The following MAD1L1 variants were observed in gnomAD, a reference collection of about 807,000 sequenced individuals.
MAD1L1 encodes mitotic spindle assembly checkpoint protein MAD1.
MAD1L1 carries 95 observed loss-of-function variants against 96.9 expected under a neutral mutation model. The observed-to-expected ratio is 0.98, with a 90% CI of 0.83 to 1.16. The LOEUF (loss-of-function observed/expected upper bound fraction) is 1.16. Among genes scored for constraint, MAD1L1 ranks in the 50% most tolerant of loss-of-function variants. MAD1L1 has a pLI of 0.00. For missense variants in MAD1L1, 1,007 were observed against 954.4 expected (o/e 1.06, Z -0.73); for synonymous variants, 473 against 396.6 (o/e 1.19, Z -2.29).
At chr7:1,896,869 T>C (rs1164526734) in intron 18 of MAD1L1, among the ~76,000 whole-genome samples, 1 of 152,282 alleles carries the variant, frequency 6.6e-6, no homozygotes, top group African/African-American at 2.4e-5. Context: ...CCTTTATTAA[T>C]ACCTAATCAT....
At chr7:2,223,347 T>C (rs912497519) in intron 4 of MAD1L1, 1 of 152,254 alleles carries the variant, frequency 6.6e-6, no homozygotes, top group Non-Finnish European at 1.5e-5. Context: ...TCTCACTGGT[T>C]GGGATGGGAC....
intron 15 of MAD1L1, among the ~76,000 whole-genome samples, chr7:1,977,636 G>A (rs1780707173): frequency 6.6e-6 from 1 of 152,260 alleles, no homozygotes. Context: ...TGATGTAAAA[G>A]ATATCAATGA....
At chr7:2,155,004 G>A (rs779335995) in intron 10 of MAD1L1, among the ~76,000 whole-genome samples, 9 of 152,208 alleles carry the variant, frequency 5.9e-5, no homozygotes, top group Non-Finnish European at 1.2e-4. Flanking sequence ...CTCTGGGCAC[G>A]CGGAGGAGTC....
intron 13 of MAD1L1, among the ~76,000 whole-genome samples, chr7:2,010,751 C>T (rs1050694613): frequency 1.3e-5 from 2 of 152,206 alleles, no homozygotes; most frequent in Non-Finnish European, 2.9e-5. Flanking sequence ...TGCATCCTCC[C>T]GCTGGCGACT....
intron 11 of MAD1L1, among the ~76,000 whole-genome samples, chr7:2,074,026 C>T (rs1035603254): frequency 2.6e-5 from 4 of 152,126 alleles, no homozygotes; most frequent in African/African-American, 4.8e-5. Flanking sequence ...GACAAGGAGA[C>T]GACACTGTGG....
rs776490151 is a variant in MAD1L1, at chr7:2,002,085, G to A, written c.1396C>T (p.Gln466Ter). Residue 466 changes from glutamine (Q) to a stop codon, truncating the protein, a stop_gained, in exon 14 of 19, where the codon CAG (glutamine) becomes TAG (stop). Transcript: ENST00000265854. LOFTEE classifies it high-confidence loss of function. ...CTCACCATGTCTGCTCTTTGTTTCT[G>A]GCCTCCCAGCTCCTCCAGGGCCTGC... ...LSQALEELGG[Q>*]KQRADMLEME... 5.6e-5 allele frequency: 91 copies of A among 1,613,200 alleles called. No homozygotes were observed. Among genetic ancestry groups the A allele is most frequent in the African/African-American group, 9.3e-5 (7 of 74,928 alleles).
At chr7:2,190,206 G>C (rs528591923) in intron 10 of MAD1L1, among the ~76,000 whole-genome samples, 2 of 152,312 alleles carry the variant, frequency 1.3e-5, no homozygotes, top group East Asian at 3.9e-4. Flanking sequence ...AGAAAGGACA[G>C]ACACATGATT....
intron 12 of MAD1L1, among the ~76,000 whole-genome samples, chr7:2,064,554 C>T (rs1014221896): frequency 6.6e-5 from 10 of 151,488 alleles, no homozygotes; most frequent in South Asian, 4.2e-4. Flanking sequence ...GGCTTCTCCC[C>T]GGAGGACAGA....
chr7:2,127,266 C>T (rs906223407), intron 11 of MAD1L1, among the ~76,000 whole-genome samples: 5 of 152,008 alleles, frequency 3.3e-5, no homozygotes, highest in Non-Finnish European at 5.9e-5. Flanking sequence ...GGGAGATGGA[C>T]GAAAATCTGA....
intron 14 of MAD1L1, among the ~76,000 whole-genome samples, chr7:1,993,389 T>C (rs1335183468): frequency 6.6e-6 from 1 of 152,214 alleles, no homozygotes; most frequent in African/African-American, 2.4e-5. Context: ...GGCAGGAACC[T>C]TGGCAAGCTC....
At chr7:2,149,707 T>C (rs983614565) in intron 10 of MAD1L1, among the ~76,000 whole-genome samples, 50 of 152,218 alleles carry the variant, frequency 3.3e-4, no homozygotes, top group Non-Finnish European at 2.1e-4. Flanking sequence ...TCTCAGTGAA[T>C]GCCCCAGCAA....
intron 14 of MAD1L1, among the ~76,000 whole-genome samples, chr7:1,997,292 G>A (rs929887787): frequency 1.3e-5 from 2 of 152,254 alleles, no homozygotes; most frequent in Admixed American, 6.5e-5. Flanking sequence ...ACGGGCACTA[G>A]GGCCATGTCC....
At position 2,230,543 on chromosome 7, in the gene MAD1L1, A is replaced by C; in HGVS notation, c.-11+6T>G. ...GAGAAGGGCTTTATTGGGGAAACTG[A>C]CTCACGCGATTACAGAGACTGTCCC... On this transcript the variant is annotated splice_donor_region_variant and intron_variant, in intron 2 of 18. Transcript: ENST00000265854. 1 of 181,566 alleles carries C rather than the reference A, an allele frequency of 5.5e-6. No homozygotes were observed. Among genetic ancestry groups the C allele is most frequent in the African/African-American group, 2.3e-5 (1 of 42,908 alleles). 11.2% of individuals were successfully genotyped at this position (181,566 alleles called of 1,614,324 possible). A position where few individuals can be genotyped will look rare whatever the true frequency, so the allele number is the denominator to read the frequency against.
intron 9 of MAD1L1, among the ~76,000 whole-genome samples, chr7:2,215,101 G>A (rs550710070): frequency 9.9e-5 from 15 of 152,180 alleles, no homozygotes; most frequent in South Asian, 2.1e-4. Flanking sequence ...AAGCCTGGCC[G>A]GGCATGGTGG....
rs757896650 is a variant in MAD1L1 at position 2,114,208 on chromosome 7, G to A, written c.1073+34944C>T. 6.6e-6 allele frequency among the ~76,000 whole-genome samples: 1 copy of A among 152,212 alleles called. No homozygotes were observed. The highest frequency in any genetic ancestry group is 1.5e-5 in the Non-Finnish European group (1 of 68,032). ...ATTATGTCAAAATGAAAAGTTCCCA[G>A]AAGAACATGCCAGACACATGAGAAA... On this transcript the variant is annotated intron_variant, in intron 11 of 18. Coordinates refer to ENST00000265854, the MANE Select transcript of MAD1L1 (RefSeq NM_001013836.2). The surrounding 1 kb of genome is among the most constrained non-coding windows in gnomAD (Gnocchi z 4.2).
chr7:2,208,238 T>C (rs1792703456), intron 10 of MAD1L1, among the ~76,000 whole-genome samples: 1 of 152,140 alleles, frequency 6.6e-6, no homozygotes, highest in Non-Finnish European at 1.5e-5. Context: ...TACAGAAACA[T>C]AACCCATTTT....
intron 18 of MAD1L1, among the ~76,000 whole-genome samples, chr7:1,820,030 G>C (rs950734643): frequency 6.6e-6 from 1 of 152,216 alleles, no homozygotes; most frequent in Middle Eastern, 3.4e-3. Flanking sequence ...ATGCTACTTC[G>C]AGATACTGGG....
intron 18 of MAD1L1, among the ~76,000 whole-genome samples, chr7:1,843,967 C>T (rs2128634600): frequency 6.6e-6 from 1 of 152,314 alleles, no homozygotes; most frequent in East Asian, 1.9e-4. Flanking sequence ...TTGGTTTCTT[C>T]TGAGGGGCCT....
chr7:2,118,520 G>A (rs553906074), intron 11 of MAD1L1, among the ~76,000 whole-genome samples: 6 of 152,224 alleles, frequency 3.9e-5, no homozygotes, highest in East Asian at 3.8e-4. Flanking sequence ...GCATGAACGC[G>A]GCAAGATACA....
Sources: gnomAD v4.1 joint callset for allele counts (sites outside exome capture counted in the v4.1 genomes callset) on GRCh38, gnomAD v4.1.1 for gene constraint, Gnocchi (gnomAD v3.1) non-coding constraint, MANE v1.5 for transcripts, NCBI Gene and HGNC (gene_info 2026-07-23, HGNC 2026-07-21) for gene names.